PCLO: variants seen among roughly 807,000 people sequenced by gnomAD.
The protein encoded by PCLO is protein piccolo.
Under a neutral mutation model 427.5 loss-of-function variants are expected in PCLO, and 82 were observed. The ratio of observed to expected loss-of-function variants is 0.19; its 90% CI spans 0.16 to 0.23. The LOEUF (loss-of-function observed/expected upper bound fraction) is 0.23, where lower values mean the gene tolerates loss of function less well. Ranked by LOEUF, PCLO falls within the 10% of genes least tolerant of loss-of-function variation. PCLO has a pLI of 1.00. For missense variants in PCLO, 6,239 were observed against 6,115.9 expected (o/e 1.02, Z -0.67); for synonymous variants, 2,357 against 2,155.4 (o/e 1.09, Z -2.59).
At chr7:82,768,292 G>A (rs1281270081) in intron 22 of PCLO, among the ~76,000 whole-genome samples, 3 of 151,758 alleles carry the variant, frequency 2.0e-5, no homozygotes, top group Non-Finnish European at 2.9e-5. Context: ...GCCTGGTGGC[G>A]TGAGCCTGTA....
intron 3 of PCLO, among the ~76,000 whole-genome samples, chr7:83,049,992 T>C (rs1176477220): frequency 9.9e-5 from 15 of 151,428 alleles, no homozygotes; most frequent in Non-Finnish European, 2.9e-5. Context: ...TATTTCTTCA[T>C]ATGATCTTCC....
In PCLO at chr7:82,956,313, T is replaced by C. The variant is rs764950740; in HGVS notation, c.4640A>G (p.Gln1547Arg). The C allele has an allele frequency of 6.2e-6, 10 of 1,613,074 alleles. No homozygotes were observed. The highest frequency in any genetic ancestry group is 8.5e-6 in the Non-Finnish European group (10 of 1,179,872). ...GAAGTCCTCCTCTTCCCCTGATCCT[T>C]GGCTGTCTTCCTGTTTATACTCATC... is the stretch of plus-strand genomic sequence containing the variant. ...SSDEYKQEDS[Q>R]GSGEEEDFIR... Residue 1547 changes from glutamine (Q) to arginine (R), a missense_variant, in exon 5 of 25, where the codon CAA becomes CGA. Transcript: ENST00000333891.
chr7:82,999,860 T>A (rs1278473190), intron 3 of PCLO, among the ~76,000 whole-genome samples: 1 of 93,504 alleles, frequency 1.1e-5, no homozygotes, highest in African/African-American at 4.5e-5. Context: ...TATAATATTA[T>A]ATAAAATATA....
chr7:82,820,258 T>A (rs117535611), intron 20 of PCLO, among the ~76,000 whole-genome samples: 2,669 of 152,326 alleles, frequency 0.018, 27 homozygotes, highest in Middle Eastern at 0.037. Flanking sequence ...ATTTACATTT[T>A]AATGCAATCT....
intron 3 of PCLO, among the ~76,000 whole-genome samples, chr7:82,975,581 G>T (rs1445950339): frequency 6.6e-6 from 1 of 152,158 alleles, no homozygotes; most frequent in Non-Finnish European, 1.5e-5. Context: ...TTGCAGGGAA[G>T]AATCAGTATA....
At chr7:82,929,955 ACT>A (rs1794801320) in intron 6 of PCLO, among the ~76,000 whole-genome samples, 1 of 152,110 alleles carries the variant, frequency 6.6e-6, no homozygotes. Context: ...AAGATGAATG[ACT>A]CTGGTATTGC....
chr7:83,106,220 G>A (rs1790851745), intron 3 of PCLO, among the ~76,000 whole-genome samples: 1 of 152,192 alleles, frequency 6.6e-6, no homozygotes, highest in Admixed American at 6.5e-5. Context: ...GGGAGTCTCA[G>A]TAAACAAGCC....
chr7:83,032,605 A>G (rs1482525293), intron 3 of PCLO, among the ~76,000 whole-genome samples: 1 of 152,030 alleles, frequency 6.6e-6, no homozygotes, highest in East Asian at 1.9e-4. Context: ...TGCCAGATAG[A>G]ATGTTTTTAT....
At chr7:82,848,986 T>A (rs376738940) in intron 10 of PCLO, 2 of 308,020 alleles carry the variant, frequency 6.5e-6, no homozygotes, top group Middle Eastern at 4.5e-4. Flanking sequence ...AATAAAAATA[T>A]AGCACGCTGA....
rs1021753998 is a variant in PCLO at position 82,966,018 on chromosome 7, G to A, written c.3770C>T (p.Pro1257Leu). 6.2e-7 allele frequency: 1 copy of A among 1,613,404 alleles called. No individual in the cohort carries two copies. Among genetic ancestry groups the A allele is most frequent in the Non-Finnish European group, 8.5e-7 (1 of 1,179,810 alleles). ...AAGTAAGTCATGTTTCTGTTCTTCT[G>A]GGGCTGATGTTTTTGCCTCTGGGAG... ...KLLPEAKTSAPEEQKHDLLKS... is the reference protein window; with the variant it reads ...KLLPEAKTSALEEQKHDLLKS... Residue 1257 changes from proline to leucine, a missense_variant, in exon 4 of 25, where the codon CCA becomes CTA. Pro to Leu is a moderately conservative substitution (Grantham distance 98). Around this residue, in one of 5 missense-constraint regions of PCLO, gnomAD observed 4,677 missense variants for 4,468.4 expected, o/e 1.05. Coordinates refer to ENST00000333891, the MANE Select transcript of PCLO (RefSeq NM_033026.6).
At chr7:82,839,831 T>A (rs1335098065) in intron 14 of PCLO, among the ~76,000 whole-genome samples, 1 of 152,086 alleles carries the variant, frequency 6.6e-6, no homozygotes, top group Non-Finnish European at 1.5e-5. Context: ...TCACAGCGAC[T>A]CCAGTGCTGA....
chr7:83,009,623 C>G (rs751400490), intron 3 of PCLO, among the ~76,000 whole-genome samples: 3 of 151,464 alleles, frequency 2.0e-5, no homozygotes, highest in Admixed American at 2.0e-4. Flanking sequence ...ATACAAAGCT[C>G]GTATCAAATT....
At chr7:82,958,889 A>G (rs1044245353) in intron 4 of PCLO, among the ~76,000 whole-genome samples, 1 of 152,094 alleles carries the variant, frequency 6.6e-6, no homozygotes, top group African/African-American at 2.4e-5. Context: ...AATTCAGTAT[A>G]ATTTCTATGT....
At chr7:83,056,869 A>G (rs967701803) in intron 3 of PCLO, among the ~76,000 whole-genome samples, 2 of 152,030 alleles carry the variant, frequency 1.3e-5, no homozygotes, top group Non-Finnish European at 2.9e-5. Flanking sequence ...TGTCGTAAAC[A>G]TTCCTTAAAT....
Position 83,038,087 on chromosome 7 carries a change from T to A in PCLO, c.3301-71600A>T, listed in dbSNP as rs867113998. On this transcript the variant is annotated intron_variant, in intron 3 of 24. Transcript: ENST00000333891. Reference sequence around the variant, plus strand: ...TATTTATATATTTATATATATATCTTTATATATATATATTTATATATGTAT... The same window carrying A: ...TATTTATATATTTATATATATATCTATATATATATATATTTATATATGTAT... Among the ~76,000 whole-genome samples, 149 of 66,246 alleles carry A rather than the reference T, an allele frequency of 2.2e-3. 10 individuals carry two copies. The highest frequency in any genetic ancestry group is 7.7e-3 in the African/African-American group (135 of 17,486). 43.5% of individuals were successfully genotyped at this position (66,246 alleles called of 152,430 possible).
chr7:83,080,334 A>T (rs1315828137), intron 3 of PCLO, among the ~76,000 whole-genome samples: 1 of 152,110 alleles, frequency 6.6e-6, no homozygotes, highest in Non-Finnish European at 1.5e-5. Context: ...TTACATTCCC[A>T]CTAACAGTGT....
intron 10 of PCLO, among the ~76,000 whole-genome samples, chr7:82,850,718 C>T (rs948890770): frequency 3.9e-5 from 6 of 152,028 alleles, no homozygotes; most frequent in South Asian, 2.1e-4. Context: ...TTATTCATTC[C>T]ACATGTATTT....
chr7:82,870,567 CAAAAG>C (rs1793209284), intron 10 of PCLO, among the ~76,000 whole-genome samples: 1 of 151,898 alleles, frequency 6.6e-6, no homozygotes, highest in Admixed American at 6.6e-5. Context: ...GCACAAGCAA[CAAAAG>C]CAAAATTTGA....
rs756117619 is a variant in PCLO, at chr7:82,954,977, C to A, written c.5976G>T (p.Lys1992Asn). The change falls in exon 5 of 25, where the codon AAG becomes AAT. Residue 1992 changes from lysine to asparagine, a missense_variant. Lys to Asn is a moderately conservative substitution (Grantham distance 94). Transcript: ENST00000333891. ...GFMQQKGREQ[K>N]IRLSEQIYED... is the part of the protein sequence containing the mutation. ...CATAAATCTGTTCTGAAAGTCTTAT[C>A]TTTTGCTCTCTTCCTTTCTGCTGCA... 1.1e-5 allele frequency: 17 copies of A among 1,613,678 alleles called. No individual in the cohort carries two copies. In the East Asian group the frequency reaches 2.2e-4, roughly 21 times the overall value.
Sources: gnomAD v4.1 joint callset for allele counts (sites outside exome capture counted in the v4.1 genomes callset) on GRCh38, gnomAD v4.1.1 for gene constraint, gnomAD v4.1.1 regional missense constraint, MANE v1.5 for transcripts, NCBI Gene and HGNC (gene_info 2026-07-23, HGNC 2026-07-21) for gene names.